The following ARHGEF12 variants were observed in gnomAD, a reference collection of about 807,000 sequenced individuals.
The protein encoded by ARHGEF12 is KMT2A/ARHGEF12 fusion protein.
Under a neutral mutation model 211.2 loss-of-function variants are expected in ARHGEF12, and 66 were observed. The observed-to-expected ratio is 0.31, with a 90% confidence interval of 0.26 to 0.38. The LOEUF (loss-of-function observed/expected upper bound fraction) is 0.38. Ranked by LOEUF, ARHGEF12 falls within the 10% of genes least tolerant of loss-of-function variation. The pLI is 1.00. For missense variants in ARHGEF12, 1,429 were observed against 1,869.5 expected (o/e 0.76, Z 4.34); for synonymous variants, 592 against 638.4 (o/e 0.93, Z 1.09).
intron 1 of ARHGEF12, among the ~76,000 whole-genome samples, chr11:120,346,004 A>G (rs1459516203): frequency 1.3e-5 from 2 of 152,188 alleles, no homozygotes; most frequent in Admixed American, 1.3e-4. Flanking sequence ...TTAAACGCAC[A>G]CACGCATACA....
rs909297728 is a variant in ARHGEF12, at chr11:120,480,384, T to C, written c.4191T>C (p.Asp1397=). 9 of 1,613,708 alleles carry C rather than the reference T, an allele frequency of 5.6e-6. No individual in the cohort carries two copies. In the African/African-American group the frequency reaches 9.3e-5, roughly 17 times the overall value. The part of the protein sequence containing the change: ...AHSDENPSEG[D]GAVNKEEKDV... Reference sequence around the variant, plus strand: ...GTGATGAGAATCCATCAGAAGGTGATGGAGCAGTTAACAAGGAAGAGAAGG... The same window carrying C: ...GTGATGAGAATCCATCAGAAGGTGACGGAGCAGTTAACAAGGAAGAGAAGG... The change falls in exon 38 of 41, where the codon GAT becomes GAC. Residue 1397 remains aspartate (D), a synonymous_variant. Coordinates refer to ENST00000397843, the MANE Select transcript of ARHGEF12 (RefSeq NM_015313.3).
At chr11:120,436,110 T>C (rs1389074010) in intron 11 of ARHGEF12, among the ~76,000 whole-genome samples, 1 of 152,122 alleles carries the variant, frequency 6.6e-6, no homozygotes, top group Admixed American at 6.5e-5. Context: ...AGGGTATATG[T>C]GTGTAATATT....
Position 120,457,701 on chromosome 11 carries a change from T to C in ARHGEF12, c.2190-20T>C, listed in dbSNP as rs371972628. 276 of 1,584,426 alleles carry C rather than the reference T, an allele frequency of 1.7e-4. No individual in the cohort carries two copies. The highest frequency in any genetic ancestry group is 2.3e-4 in the Non-Finnish European group (271 of 1,165,234). ...TCACCATTTTGTTTTCATGTTACTC[T>C]TTACTTTCCATTGTTTTAGGGTGAC... On this transcript the variant is annotated intron_variant, in intron 23 of 40. Coordinates refer to ENST00000397843, the MANE Select transcript of ARHGEF12 (RefSeq NM_015313.3).
At chr11:120,437,019 A>G (rs964287473) in intron 11 of ARHGEF12, among the ~76,000 whole-genome samples, 1 of 152,132 alleles carries the variant, frequency 6.6e-6, no homozygotes, top group Non-Finnish European at 1.5e-5. Context: ...AGTTTGAGGT[A>G]TGCAGTATAT....
chr11:120,484,253 G>C (rs1947339022), intron 39 of ARHGEF12, among the ~76,000 whole-genome samples, 185 bp from the exon 40 acceptor site: 1 of 152,166 alleles, frequency 6.6e-6, no homozygotes, highest in Non-Finnish European at 1.5e-5. Flanking sequence ...GGAGAAATTG[G>C]TAAAAGGAAT....
intron 22 of ARHGEF12, among the ~76,000 whole-genome samples, chr11:120,452,709 G>T (rs1946248096): frequency 6.6e-6 from 1 of 152,136 alleles, no homozygotes; most frequent in South Asian, 2.1e-4. Flanking sequence ...TATACAGGAA[G>T]ACAAGGTCGG....
chr11:120,376,517 A>T (rs1167255044), intron 1 of ARHGEF12, among the ~76,000 whole-genome samples: 1 of 152,136 alleles, frequency 6.6e-6, no homozygotes, highest in African/African-American at 2.4e-5. Flanking sequence ...ATTATTGTTA[A>T]TTTTTATGGG....
At chr11:120,383,123 A>C (rs971386459) in intron 1 of ARHGEF12, among the ~76,000 whole-genome samples, 2 of 152,124 alleles carry the variant, frequency 1.3e-5, no homozygotes, top group Non-Finnish European at 2.9e-5. Flanking sequence ...TGGGCGACAG[A>C]GCCAGACTCC....
intron 1 of ARHGEF12, among the ~76,000 whole-genome samples, chr11:120,379,077 T>C (rs1943807920): frequency 6.6e-6 from 1 of 152,144 alleles, no homozygotes. Flanking sequence ...TCCCAATCCA[T>C]TGGCATAATC....
At chr11:120,366,923 G>A (rs1286787740) in intron 1 of ARHGEF12, among the ~76,000 whole-genome samples, 2 of 152,158 alleles carry the variant, frequency 1.3e-5, no homozygotes, top group Non-Finnish European at 2.9e-5. Flanking sequence ...GGCTGAGGCA[G>A]GAGAATTGCT....
chr11:120,385,049 T>G (rs1256196636), intron 1 of ARHGEF12, among the ~76,000 whole-genome samples: 2 of 152,110 alleles, frequency 1.3e-5, no homozygotes, highest in Admixed American at 6.6e-5. Flanking sequence ...AAAATTAGGG[T>G]TTTTTTGTGG....
intron 15 of ARHGEF12, among the ~76,000 whole-genome samples, chr11:120,444,421 C>T (rs937262271): frequency 2.0e-5 from 3 of 152,154 alleles, no homozygotes; most frequent in African/African-American, 7.2e-5. Context: ...TTCATATATA[C>T]ACCATCATAC....
At chr11:120,472,123 C>CCA (rs143986950) in intron 30 of ARHGEF12, among the ~76,000 whole-genome samples, 2,131 of 151,096 alleles carry the variant, frequency 0.014, 32 homozygotes, top group Non-Finnish European at 0.022. Context: ...AAGTCATACA[C>CCA]CACACACACA....
intron 35 of ARHGEF12, 45 bp from the exon 36 acceptor site, chr11:120,477,402 A>T: frequency 1.9e-6 from 3 of 1,563,826 alleles, no homozygotes; most frequent in Non-Finnish European, 2.6e-6. Context: ...ATGTTTAGAT[A>T]CCTCAGGAAG....
chr11:120,441,922 C>A, intron 14 of ARHGEF12, 105 bp downstream of exon 14: 1 of 1,074,644 alleles, frequency 9.3e-7, no homozygotes, highest in Non-Finnish European at 1.4e-6. Context: ...TTTCAGTTTT[C>A]CGTATAAAGA....
At chr11:120,441,591 T>G in intron 13 of ARHGEF12, 116 bp from the exon 14 acceptor site, 1 of 720,150 alleles carries the variant, frequency 1.4e-6, no homozygotes, top group Non-Finnish European at 2.2e-6. Context: ...TTTTAAATCT[T>G]GAATTTTTTA....
chr11:120,351,557 A>T (rs7927027), intron 1 of ARHGEF12, among the ~76,000 whole-genome samples: 1 of 141,546 alleles, frequency 7.1e-6, no homozygotes, highest in African/African-American at 2.6e-5. Flanking sequence ...TTGAACCTCC[A>T]CCTCCCTGGT....
chr11:120,339,368 T>G (rs1284982078), intron 1 of ARHGEF12, among the ~76,000 whole-genome samples: 2 of 152,220 alleles, frequency 1.3e-5, no homozygotes, highest in East Asian at 1.9e-4. Flanking sequence ...TGGTTTAGTA[T>G]TATTTCTCTG....
intron 1 of ARHGEF12, among the ~76,000 whole-genome samples, chr11:120,360,455 C>T (rs906123195): frequency 2.6e-5 from 4 of 152,052 alleles, no homozygotes; most frequent in East Asian, 1.9e-4. Flanking sequence ...TGCAGTGATG[C>T]GGTCATGGCT....
Sources: gnomAD v4.1 joint callset for allele counts (sites outside exome capture counted in the v4.1 genomes callset) on GRCh38, gnomAD v4.1.1 for gene constraint, MANE v1.5 for transcripts, NCBI Gene and HGNC (gene_info 2026-07-23, HGNC 2026-07-21) for gene names.